The following SLC36A1 variants were observed in gnomAD, a reference collection of about 807,000 sequenced individuals.
SLC36A1 encodes the protein solute carrier family 36 member 1.
SLC36A1 carries 30 observed loss-of-function variants against 47.5 expected under a neutral mutation model. That is an observed-to-expected ratio of 0.63 (90% CI 0.47 to 0.86). The LOEUF is 0.86. Ranked by LOEUF, SLC36A1 falls within the 40% of genes least tolerant of loss-of-function variation. The pLI is 0.00. For missense variants in SLC36A1, 517 were observed against 606.0 expected (o/e 0.85, Z 1.54); for synonymous variants, 255 against 249.7 (o/e 1.02, Z -0.20).
At chr5:151,418,304 C>T in the SLC36A1 span, among the ~76,000 whole-genome samples, 2 of 152,208 alleles carry the variant, frequency 1.3e-5, no homozygotes, top group African/African-American at 4.8e-5. Flanking sequence ...CCACCATTCT[C>T]CAGATCCCAG....
At chr5:151,353,534 G>C in the SLC36A1 span, among the ~76,000 whole-genome samples, 1 of 152,022 alleles carries the variant, frequency 6.6e-6, no homozygotes, top group Admixed American at 6.6e-5. Context: ...AACGGAGTGA[G>C]ACATTTGTTA....
chr5:151,348,763 G>A, the SLC36A1 span, among the ~76,000 whole-genome samples: 11 of 152,322 alleles, frequency 7.2e-5, no homozygotes, highest in Middle Eastern at 3.4e-3. Flanking sequence ...GCTCAGAGAG[G>A]AAAAGAATAA....
chr5:151,430,054 G>A, the SLC36A1 span, among the ~76,000 whole-genome samples: 1 of 152,114 alleles, frequency 6.6e-6, no homozygotes, highest in East Asian at 1.9e-4. Context: ...AGCTCCTTGT[G>A]CTCAGGCTCT....
At chr5:151,434,142 AT>A (rs1475379473), upstream of SLC36A1, among the ~76,000 whole-genome samples, 1 of 152,242 alleles carries the variant, frequency 6.6e-6, no homozygotes, top group Non-Finnish European at 1.5e-5. Context: ...ATCTTAAAGA[AT>A]TTATGTAAGT....
the SLC36A1 span, among the ~76,000 whole-genome samples, chr5:151,420,674 A>G: frequency 6.6e-4 from 100 of 152,244 alleles, no homozygotes; most frequent in South Asian, 1.5e-3. Flanking sequence ...GTCAAACAGT[A>G]CAGAAGTCTA....
At chr5:151,382,348 C>A in the SLC36A1 span, 1 of 811,922 alleles carries the variant, frequency 1.2e-6, no homozygotes, top group Non-Finnish European at 2.1e-6. Flanking sequence ...GTAGATCTGG[C>A]CATGCGCCAG....
chr5:151,498,514 G>A, the SLC36A1 span, among the ~76,000 whole-genome samples: 5 of 152,132 alleles, frequency 3.3e-5, no homozygotes, highest in South Asian at 4.1e-4. Context: ...TTTCCAAAGC[G>A]GTGAAGCCAG....
chr5:151,405,582 G>A, the SLC36A1 span, among the ~76,000 whole-genome samples: 1,127 of 152,112 alleles, frequency 7.4e-3, 21 homozygotes, highest in African/African-American at 0.026. Flanking sequence ...ATCTAGTTAG[G>A]ATCCTTTGCT....
the SLC36A1 span, among the ~76,000 whole-genome samples, chr5:151,428,755 C>T: frequency 1.3e-5 from 2 of 152,302 alleles, no homozygotes; most frequent in African/African-American, 2.4e-5. Flanking sequence ...GCCTCAACCT[C>T]CTGAGTAGCT....
the SLC36A1 span, among the ~76,000 whole-genome samples, chr5:151,426,415 G>A: frequency 1.3e-5 from 2 of 152,066 alleles, no homozygotes; most frequent in Non-Finnish European, 1.5e-5. Flanking sequence ...ACAGGAAAAC[G>A]TGAGCAAAGG....
the SLC36A1 span, among the ~76,000 whole-genome samples, chr5:151,420,970 A>G: frequency 6.7e-6 from 1 of 149,924 alleles, no homozygotes; most frequent in Admixed American, 6.7e-5. Flanking sequence ...TCCCAGGTTC[A>G]CGCCATTCTC....
chr5:151,543,787 T>A, the SLC36A1 span: 1 of 1,613,934 alleles, frequency 6.2e-7, no homozygotes, highest in Non-Finnish European at 8.5e-7. Flanking sequence ...GTAAGAAGAG[T>A]CCAGGTGCTT....
At chr5:151,515,004 C>T in the SLC36A1 span, among the ~76,000 whole-genome samples, 2 of 152,116 alleles carry the variant, frequency 1.3e-5, no homozygotes, top group African/African-American at 4.8e-5. Context: ...AGGTTGTCTT[C>T]ACCTCAGTTT....
intron 8 of SLC36A1, among the ~76,000 whole-genome samples, chr5:151,474,226 G>A (rs1051030955): frequency 6.6e-5 from 10 of 150,458 alleles, no homozygotes; most frequent in South Asian, 2.1e-4. Flanking sequence ...ATAGTGTTTC[G>A]GGGATTCCAT....
the SLC36A1 span, chr5:151,517,730 G>C: frequency 6.2e-7 from 1 of 1,614,156 alleles, no homozygotes; most frequent in South Asian, 1.1e-5. Flanking sequence ...GCCCTGTACC[G>C]CACATAGCTC....
the SLC36A1 span, chr5:151,531,609 C>T: frequency 3.1e-6 from 5 of 1,612,862 alleles, no homozygotes; most frequent in East Asian, 8.9e-5. This position sits in a 1 kb window ranked among gnomAD's most constrained non-coding sequence, Gnocchi z 5.7. Flanking sequence ...CCAGGCGGAA[C>T]CTGCCTTGCT....
At chr5:151,418,478 G>C in the SLC36A1 span, among the ~76,000 whole-genome samples, 9 of 152,332 alleles carry the variant, frequency 5.9e-5, no homozygotes, top group South Asian at 1.9e-3. Flanking sequence ...GTGTGACCTG[G>C]ATGTGAGAAA....
At chr5:151,529,417 G>A in the SLC36A1 span, 1 of 1,606,946 alleles carries the variant, frequency 6.2e-7, no homozygotes, top group Admixed American at 1.7e-5. Context: ...GGTGACAGCA[G>A]CAATGAGGCA....
intron 2 of SLC36A1, 122 bp from the exon 3 acceptor site, chr5:151,463,431 C>A: frequency 1.3e-6 from 1 of 779,716 alleles, no homozygotes; most frequent in Non-Finnish European, 2.2e-6. Flanking sequence ...GCTTCATCAT[C>A]TATAAGATAA....
Sources: gnomAD v4.1 joint callset for allele counts (sites outside exome capture counted in the v4.1 genomes callset) on GRCh38, gnomAD v4.1.1 for gene constraint, Gnocchi (gnomAD v3.1) non-coding constraint, MANE v1.5 for transcripts, NCBI Gene and HGNC (gene_info 2026-07-23, HGNC 2026-07-21) for gene names.